Variants in BAZ2B observed in about 807,000 individuals in gnomAD.
The protein encoded by BAZ2B is bromodomain adjacent to zinc finger domain 2B.
In BAZ2B, 91 loss-of-function variants were observed where a neutral mutation model predicts 246.0. The observed-to-expected ratio is 0.37, with a 90% CI of 0.31 to 0.44. The LOEUF (loss-of-function observed/expected upper bound fraction) is 0.44. BAZ2B is among the 20% of genes least tolerant of loss of function. BAZ2B has a pLI of 1.00. For synonymous variants in BAZ2B, 855 were observed against 860.0 expected, an observed-to-expected ratio of 0.99 and a Z score of 0.10; for missense variants, 2,332 against 2,533.7, an observed-to-expected ratio of 0.92 and a Z score of 1.71.
At position 159,412,467 on chromosome 2, in the gene BAZ2B, G is replaced by A. The variant is rs924269947; in HGVS notation, c.2545C>T (p.Pro849Ser). ...RAMEGRRGRP[P>S]NPDRQRAREE... ...CTTGCTCGTTGTCTATCTGGATTTG[G>A]TGGTCTTCCTCTACGACCTTCCATT... The change falls in exon 14 of 37, where the codon CCA becomes TCA. Residue 849 changes from proline to serine, a missense_variant. Coordinates refer to ENST00000392783, the MANE Select transcript of BAZ2B (RefSeq NM_013450.4). 1.2e-6 allele frequency: 2 copies of A among 1,614,012 alleles called. No individual in the cohort carries two copies. The highest frequency in any genetic ancestry group is 1.7e-6 in the Non-Finnish European group (2 of 1,179,984).
chr2:159,326,035 A>C (rs1258875602), intron 34 of BAZ2B, 117 bp from the exon 35 acceptor site: 3 of 851,120 alleles, frequency 3.5e-6, no homozygotes, highest in Non-Finnish European at 5.1e-6. Context: ...TCTGATCTAG[A>C]ATGTTGATAA....
At chr2:159,568,069 A>G (rs1486327310) in intron 1 of BAZ2B, among the ~76,000 whole-genome samples, 3 of 152,208 alleles carry the variant, frequency 2.0e-5, no homozygotes, top group African/African-American at 7.2e-5. Flanking sequence ...CAGTGGTTTC[A>G]GTACATTCAC....
intron 2 of BAZ2B, among the ~76,000 whole-genome samples, chr2:159,527,208 T>TG (rs1295152679): frequency 2.6e-5 from 4 of 152,180 alleles, no homozygotes; most frequent in African/African-American, 4.8e-5. Context: ...CTCTGACGGC[T>TG]AGTGATGCTG....
chr2:159,322,906 C>T (rs73967814), intron 36 of BAZ2B, among the ~76,000 whole-genome samples: 2,344 of 152,186 alleles, frequency 0.015, 51 homozygotes, highest in African/African-American at 0.051. Context: ...AACAGGAATA[C>T]ACAGACTGTT....
chr2:159,404,502 A>T (rs2065592495), intron 16 of BAZ2B: 1 of 171,740 alleles, frequency 5.8e-6, no homozygotes. Flanking sequence ...TAAGAAAAAC[A>T]AGCTTTTATT....
At chr2:159,610,944 T>C (rs1229206826) in intron 1 of BAZ2B, among the ~76,000 whole-genome samples, 1 of 152,022 alleles carries the variant, frequency 6.6e-6, no homozygotes, top group Non-Finnish European at 1.5e-5. Context: ...CTGCCACAAA[T>C]CAAATAGCAC....
chr2:159,345,745 AG>A (rs2067673476), intron 31 of BAZ2B, among the ~76,000 whole-genome samples: 1 of 152,236 alleles, frequency 6.6e-6, no homozygotes, highest in South Asian at 2.1e-4. Context: ...ACCAGCAAGC[AG>A]TATCAACTGA....
the BAZ2B span, among the ~76,000 whole-genome samples, chr2:159,702,956 A>G: frequency 4.6e-5 from 7 of 152,064 alleles, no homozygotes; most frequent in Non-Finnish European, 1.0e-4. Flanking sequence ...AGGCAGGAGA[A>G]TGCCATGAAC....
chr2:159,465,712 AG>A (rs542772328), intron 3 of BAZ2B, among the ~76,000 whole-genome samples: 109 of 152,288 alleles, frequency 7.2e-4, no homozygotes, highest in African/African-American at 2.6e-3. Flanking sequence ...ACTTGAGGTC[AG>A]GAGCTTGAGA....
chr2:159,410,433 C>CA (rs1403135628), intron 14 of BAZ2B, among the ~76,000 whole-genome samples: 2 of 152,158 alleles, frequency 1.3e-5, no homozygotes, highest in Non-Finnish European at 2.9e-5. Flanking sequence ...ATGCTGTTCT[C>CA]ATGATAGTAA....
chr2:159,647,026 C>A, the BAZ2B span, among the ~76,000 whole-genome samples: 1 of 152,000 alleles, frequency 6.6e-6, no homozygotes, highest in African/African-American at 2.4e-5. Context: ...ATATATATTT[C>A]TAGGATGCAT....
At chr2:159,636,963 T>C in the BAZ2B span, among the ~76,000 whole-genome samples, 1 of 152,258 alleles carries the variant, frequency 6.6e-6, no homozygotes, top group South Asian at 2.1e-4. Context: ...ATCCACTACC[T>C]TCAAGGGAAG....
At chr2:159,321,670 T>C (rs927040512) in intron 36 of BAZ2B, among the ~76,000 whole-genome samples, 3 of 152,136 alleles carry the variant, frequency 2.0e-5, no homozygotes, top group African/African-American at 7.2e-5. Flanking sequence ...AACACAAACA[T>C]CACGTGTTCT....
chr2:159,708,091 A>T, the BAZ2B span, among the ~76,000 whole-genome samples: 1 of 152,130 alleles, frequency 6.6e-6, no homozygotes, highest in Non-Finnish European at 1.5e-5. Flanking sequence ...AGGGAGGATC[A>T]CTTGAGGCTT....
chr2:159,696,810 G>A, the BAZ2B span, among the ~76,000 whole-genome samples: 69 of 152,256 alleles, frequency 4.5e-4, no homozygotes, highest in Admixed American at 9.2e-4. Context: ...TTCTGAGACG[G>A]AGTCTTGCTC....
At chr2:159,411,410 T>A (rs982125337) in intron 14 of BAZ2B, among the ~76,000 whole-genome samples, 1 of 152,224 alleles carries the variant, frequency 6.6e-6, no homozygotes, top group Non-Finnish European at 1.5e-5. Context: ...TTACAATGAA[T>A]AGAATTAAGT....
chr2:159,520,636 T>C (rs532759104), intron 2 of BAZ2B, among the ~76,000 whole-genome samples: 6 of 152,170 alleles, frequency 3.9e-5, no homozygotes, highest in Non-Finnish European at 8.8e-5. Flanking sequence ...ACTAGGATAT[T>C]TATTATGATT....
the BAZ2B span, among the ~76,000 whole-genome samples, chr2:159,711,271 C>T: frequency 6.6e-6 from 1 of 152,168 alleles, no homozygotes; most frequent in African/African-American, 2.4e-5. Context: ...TCTCTGTTCA[C>T]TTTATCCCAT....
chr2:159,652,056 T>C, the BAZ2B span, among the ~76,000 whole-genome samples: 2 of 152,290 alleles, frequency 1.3e-5, no homozygotes, highest in South Asian at 4.1e-4. Flanking sequence ...CTTTTGGGTA[T>C]ATACCTAGAA....
Sources: allele counts gnomAD v4.1 joint callset (sites outside exome capture counted in the v4.1 genomes callset), GRCh38; gene constraint gnomAD v4.1.1; transcripts MANE v1.5; gene names NCBI Gene and HGNC (gene_info 2026-07-23, HGNC 2026-07-21).